ABR: variants seen among roughly 807,000 people sequenced by gnomAD.
The protein encoded by ABR is active breakpoint cluster region-related protein.
In ABR, 35 loss-of-function variants were observed where a neutral mutation model predicts 107.2. The ratio of observed to expected loss-of-function variants is 0.33; its 90% CI spans 0.25 to 0.43. The LOEUF (loss-of-function observed/expected upper bound fraction) is 0.43, where lower values mean the gene tolerates loss of function less well. Among genes scored for constraint, ABR ranks in the 20% least tolerant of loss-of-function variants. The pLI is 1.00. For synonymous variants in ABR, 498 were observed against 462.0 expected, an observed-to-expected ratio of 1.08 and a Z score of -1.00; for missense variants, 815 against 1,115.2, an observed-to-expected ratio of 0.73 and a Z score of 3.83.
At chr17:1,114,336 G>GGTGGAC in intron 2 of ABR, among the ~76,000 whole-genome samples, 1 of 152,038 alleles carries the variant, frequency 6.6e-6, no homozygotes, top group East Asian at 1.9e-4. Context: ...CAGGAGGGGT[G>GGTGGAC]GCACAGGCCT....
At chr17:1,182,181 C>T (rs757828631), upstream of ABR, 2 of 152,082 alleles carry the variant, frequency 1.3e-5, no homozygotes, top group East Asian at 3.9e-4. Context: ...CACAGAACAC[C>T]GACTGTGTGC....
intron 1 of ABR, among the ~76,000 whole-genome samples, chr17:1,227,068 CG>C (rs1365930438): frequency 6.6e-6 from 1 of 152,152 alleles, no homozygotes; most frequent in Non-Finnish European, 1.5e-5. Flanking sequence ...GTGCCAGACA[CG>C]TGCCCCAGCT....
rs1292209940 is a variant in ABR at position 1,148,260 on chromosome 17, C to G, written c.62-22893G>C. On this transcript the variant is annotated intron_variant, in intron 1 of 22. Coordinates refer to ENST00000302538, the MANE Select transcript of ABR (RefSeq NM_021962.5). The surrounding 1 kb of genome is among the most constrained non-coding windows in gnomAD (Gnocchi z 4.9). Reference sequence around the variant, plus strand: ...TTTACATAAAACGGATATTATTCGGCTTATATTCCGACACAGGCCAATTCT... The same window carrying G: ...TTTACATAAAACGGATATTATTCGGGTTATATTCCGACACAGGCCAATTCT... Among the ~76,000 whole-genome samples, 1 of 152,212 alleles carries G rather than the reference C, an allele frequency of 6.6e-6. No individual in the cohort carries two copies. Among genetic ancestry groups the G allele is most frequent in the East Asian group, 1.9e-4 (1 of 5,200 alleles).
At chr17:1,114,326 C>T (rs758411176) in intron 2 of ABR, among the ~76,000 whole-genome samples, 1 of 151,286 alleles carries the variant, frequency 6.6e-6, no homozygotes, top group African/African-American at 2.4e-5. Flanking sequence ...AAAAATTAAC[C>T]AGGAGGGGTG....
At chr17:1,122,530 C>A (rs568353081) in intron 2 of ABR, among the ~76,000 whole-genome samples, 2 of 152,326 alleles carry the variant, frequency 1.3e-5, no homozygotes, top group South Asian at 4.1e-4. Context: ...TTGGCCTCCT[C>A]CAGCCTCCAG....
chr17:1,067,896 T>C (rs1475428238), intron 9 of ABR, among the ~76,000 whole-genome samples: 1 of 152,202 alleles, frequency 6.6e-6, no homozygotes, highest in Admixed American at 6.6e-5. Context: ...CATGATCTAG[T>C]TCCAGGGAGT....
chr17:1,068,761 C>T (rs933848427), intron 9 of ABR, among the ~76,000 whole-genome samples: 1 of 152,192 alleles, frequency 6.6e-6, no homozygotes, highest in Non-Finnish European at 1.5e-5. Context: ...GGAGTTTGCA[C>T]GTCAGCTTGG....
intron 1 of ABR, among the ~76,000 whole-genome samples, chr17:1,151,618 C>T (rs1427231284): frequency 6.6e-6 from 1 of 152,212 alleles, no homozygotes; most frequent in Non-Finnish European, 1.5e-5. Context: ...TGTTTCTTCA[C>T]AGGACATCCT....
chr17:1,054,864 G>A (rs1047321744), intron 14 of ABR, among the ~76,000 whole-genome samples: 3 of 152,150 alleles, frequency 2.0e-5, no homozygotes, highest in African/African-American at 4.8e-5. Flanking sequence ...TGTGTGGGGC[G>A]CTGCAGGGAG....
exon 1 of ABR, among the ~76,000 whole-genome samples, chr17:1,229,360 G>A (rs2043290774): frequency 6.9e-6 from 1 of 144,436 alleles, no homozygotes; most frequent in African/African-American, 2.7e-5. Flanking sequence ...TCGGGGTCGG[G>A]GCGCCCGGGG....
At chr17:1,229,082 G>C (rs1188418270) in exon 1 of ABR, 1 of 151,480 alleles carries the variant, frequency 6.6e-6, no homozygotes, top group Non-Finnish European at 1.5e-5. Flanking sequence ...CGCGGGTCCC[G>C]AACCGGCAAG....
At chr17:1,139,544 GC>G (rs1229864438) in intron 1 of ABR, among the ~76,000 whole-genome samples, 2 of 143,490 alleles carry the variant, frequency 1.4e-5, no homozygotes, top group Non-Finnish European at 3.1e-5. Flanking sequence ...GAGCCACCGT[GC>G]CCGGCCTGTT....
intron 2 of ABR, among the ~76,000 whole-genome samples, chr17:1,104,692 G>A (rs996747122): frequency 1.3e-5 from 2 of 152,220 alleles, no homozygotes; most frequent in African/African-American, 2.4e-5. Flanking sequence ...TAGAGGCATC[G>A]AGAGACCCTC....
intron 1 of ABR, among the ~76,000 whole-genome samples, chr17:1,212,227 G>A (rs1269592031): frequency 2.6e-5 from 4 of 151,670 alleles, no homozygotes; most frequent in African/African-American, 7.3e-5. Flanking sequence ...CTGGGAGTTC[G>A]AGACCAGCCT....
At chr17:1,167,287 C>T (rs917210338) in intron 1 of ABR, among the ~76,000 whole-genome samples, 1 of 152,060 alleles carries the variant, frequency 6.6e-6, no homozygotes, top group African/African-American at 2.4e-5. Context: ...GGGGCATCCC[C>T]AGTGCTGGAT....
At position 1,057,959 on chromosome 17, in the gene ABR, C is replaced by T. The variant is rs1195038719; in HGVS notation, c.1381+11G>A. On this transcript the variant is annotated intron_variant, in intron 12 of 22. Transcript: ENST00000302538. ...ACATCATTGGGGAGCGTGGAAGAGGCAGGAATTTACCCTTCTTCTGTAGTT... is the reference window on the plus strand; with the variant it reads ...ACATCATTGGGGAGCGTGGAAGAGGTAGGAATTTACCCTTCTTCTGTAGTT... 2.1e-5 allele frequency: 34 copies of T among 1,612,160 alleles called. No homozygotes were observed. The Admixed American group carries it at 5.7e-4, about 27-fold the overall frequency.
In ABR at chr17:1,010,973, C is replaced by A. The variant is rs974336733; in HGVS notation, c.2102-110G>T. The A allele has an allele frequency of 9.1e-6, 13 of 1,431,472 alleles. No individual in the cohort carries two copies. Among genetic ancestry groups the A allele is most frequent in the South Asian group, 1.3e-5 (1 of 79,736 alleles). 88.7% of individuals were successfully genotyped at this position (1,431,472 alleles called of 1,614,324 possible). A position where few individuals can be genotyped will look rare whatever the true frequency, so the allele number is the denominator to read the frequency against. ...CCCACTCCAGCTCTGGTTCTGGTCT[C>A]CCCTGGAAGAGCAGGATGTAGAGAG... On this transcript the variant is annotated intron_variant, in intron 19 of 22. Transcript: ENST00000302538. The surrounding 1 kb of genome is among the most constrained non-coding windows in gnomAD (Gnocchi z 4.1).
At chr17:1,225,526 C>G (rs1211009070) in intron 1 of ABR, among the ~76,000 whole-genome samples, 1 of 152,062 alleles carries the variant, frequency 6.6e-6, no homozygotes, top group East Asian at 1.9e-4. Flanking sequence ...GTGGCACACT[C>G]TTGTCATCCC....
chr17:1,225,705 G>A (rs1213419311), intron 1 of ABR, among the ~76,000 whole-genome samples: 1 of 152,112 alleles, frequency 6.6e-6, no homozygotes, highest in African/African-American at 2.4e-5. Flanking sequence ...ACCTGTAGTA[G>A]TGGTTAATTA....
Sources: gnomAD v4.1 joint callset for allele counts (sites outside exome capture counted in the v4.1 genomes callset) on GRCh38, gnomAD v4.1.1 for gene constraint, Gnocchi (gnomAD v3.1) non-coding constraint, MANE v1.5 for transcripts, NCBI Gene and HGNC (gene_info 2026-07-23, HGNC 2026-07-21) for gene names.